Variants in CD63 observed in about 807,000 individuals in gnomAD.
The protein encoded by CD63 is CD63 antigen.
CD63 carries 16 observed loss-of-function variants against 29.2 expected under a neutral mutation model. The observed-to-expected ratio is 0.55, with a 90% CI of 0.37 to 0.83. CD63 has a LOEUF of 0.83. CD63 is among the 40% of genes least tolerant of loss of function. The pLI, the probability that CD63 is intolerant of heterozygous loss-of-function variation, is 0.00. For synonymous variants in CD63, 118 were observed against 111.7 expected (o/e 1.06, Z -0.36); for missense variants, 251 against 297.3 (o/e 0.84, Z 1.15).
chr12:55,724,333 C>A (rs903282271), downstream of CD63: 3 of 1,614,176 alleles, frequency 1.9e-6, no homozygotes, highest in Non-Finnish European at 2.5e-6. Flanking sequence ...CCTGAAAATG[C>A]AACAGCGCAT....
chr12:55,724,341 C>T (rs141783438), downstream of CD63: 174 of 1,614,200 alleles, frequency 1.1e-4, no homozygotes, highest in African/African-American at 1.9e-3. Flanking sequence ...TGCAACAGCG[C>T]ATCATGAACC....
chr12:55,728,277 C>CA lies in CD63; in HGVS notation c.64dup (p.Cys22LeufsTer87), dbSNP rs1182083293. 6.2e-7 allele frequency: 1 copy of CA among 1,609,618 alleles called. No individual in the cohort carries two copies. Among genetic ancestry groups the CA allele is most frequent in the South Asian group, 1.1e-5 (1 of 90,012 alleles). On this transcript the variant is annotated frameshift_variant and splice_region_variant, in exon 2 of 8. Coordinates refer to ENST00000257857, the MANE Select transcript of CD63 (RefSeq NM_001780.6). LOFTEE classifies it high-confidence loss of function. The surrounding 1 kb of genome is among the most constrained non-coding windows in gnomAD (Gnocchi z 4.8). ...CCCCCAGGACCCCTCGCCACTCACG[C>CA]AAAAGGCCAGCAGGAGGACGTAGAG...
chr12:55,723,771 G>A (rs953193251), downstream of CD63: 308 of 1,247,492 alleles, frequency 2.5e-4, 6 homozygotes, highest in South Asian at 1.8e-3. Context: ...AGGCATCTCC[G>A]TCAAAACTCT....
At chr12:55,723,589 T>C (rs538490008), downstream of CD63, 16 of 399,620 alleles carry the variant, frequency 4.0e-5, no homozygotes, top group East Asian at 6.9e-4. Context: ...TAAACTGTTA[T>C]ATAAGTACCT....
Position 55,728,165 on chromosome 12 carries a change from C to G in CD63, c.66+111G>C, listed in dbSNP as rs1877621295. ...GCGCTGTCTTTCCCTGGCTTTCTTT[C>G]CACATCTGGTCTCCAGCTGCCTTAA... On this transcript the variant is annotated intron_variant, in intron 2 of 7. Coordinates refer to ENST00000257857, the MANE Select transcript of CD63 (RefSeq NM_001780.6). The surrounding 1 kb of genome is among the most constrained non-coding windows in gnomAD (Gnocchi z 4.8). The G allele has an allele frequency of 2.9e-6, 3 of 1,027,860 alleles. No homozygotes were observed. Among genetic ancestry groups the G allele is most frequent in the Non-Finnish European group, 3.0e-6 (2 of 677,460 alleles). The allele number at this position is 1,027,860 out of a possible 1,614,324, so 63.7% of individuals were successfully genotyped here. A position where few individuals can be genotyped will look rare whatever the true frequency, so the allele number is the denominator to read the frequency against.
At chr12:55,725,065 T>G (rs1053402294), downstream of CD63, among the ~76,000 whole-genome samples, 1 of 152,110 alleles carries the variant, frequency 6.6e-6, no homozygotes, top group African/African-American at 2.4e-5. Flanking sequence ...AGGCAACTTA[T>G]CATACTTCGA....
rs1592533525 is a variant in CD63, at chr12:55,728,237, A to C, written c.66+39T>G. The C allele has an allele frequency of 6.4e-7, 1 of 1,559,876 alleles. No homozygotes were observed. Among genetic ancestry groups the C allele is most frequent in the African/African-American group, 1.4e-5 (1 of 73,826 alleles). ...CCACTGTGGAGCCAGGTCTCCCCGC[A>C]CCCTGCCGGCGCGCCCCCCAGGACC... is the stretch of plus-strand genomic sequence containing the variant. On this transcript the variant is annotated intron_variant, in intron 2 of 7. Coordinates refer to ENST00000257857, the MANE Select transcript of CD63 (RefSeq NM_001780.6). This position sits in a 1 kb window ranked among gnomAD's most constrained non-coding sequence, Gnocchi z 4.8.
At chr12:55,726,043 T>C in intron 6 of CD63, 78 bp downstream of exon 6, 1 of 1,549,824 alleles carries the variant, frequency 6.5e-7, no homozygotes, top group Non-Finnish European at 8.9e-7. Flanking sequence ...CCTGACCCTG[T>C]CCACCTCCAT....
downstream of CD63, chr12:55,724,495 G>T (rs1302759306): frequency 2.5e-6 from 4 of 1,613,402 alleles, no homozygotes; most frequent in Non-Finnish European, 3.4e-6. Context: ...CAGCCTGGTG[G>T]ATGCTGTGCT....
chr12:55,724,073 G>A (rs1290741073), downstream of CD63: 1 of 1,601,704 alleles, frequency 6.2e-7, no homozygotes, highest in Non-Finnish European at 8.5e-7. Flanking sequence ...CCCACACAGG[G>A]GCACATGAAG....
upstream of CD63, chr12:55,729,128 G>C: frequency 1.0e-6 from 1 of 985,246 alleles, no homozygotes; most frequent in Non-Finnish European, 1.2e-6. Flanking sequence ...TAACAGCTGC[G>C]GCCTGAGTCA....
At chr12:55,724,035 C>T, downstream of CD63, 3 of 1,610,676 alleles carry the variant, frequency 1.9e-6, no homozygotes, top group Non-Finnish European at 2.5e-6. Flanking sequence ...TATGGGGGGG[C>T]CTTCCTCACC....
At chr12:55,723,674 G>C (rs1055859968), downstream of CD63, 2 of 581,226 alleles carry the variant, frequency 3.4e-6, no homozygotes, top group South Asian at 4.0e-5. Context: ...AGAAAAAAAC[G>C]TGCTGACCCC....
At chr12:55,725,252 C>G, downstream of CD63, 1 of 430,910 alleles carries the variant, frequency 2.3e-6, no homozygotes, top group Non-Finnish European at 4.3e-6. Context: ...CATAGTGAGC[C>G]TGGCAGCATA....
chr12:55,726,497 A>C (rs1877380958), intron 5 of CD63: 1 of 623,902 alleles, frequency 1.6e-6, no homozygotes, highest in Non-Finnish European at 2.8e-6. Flanking sequence ...GGCACTCACC[A>C]CCACACCTGG....
At chr12:55,724,609 C>G, downstream of CD63, 1 of 1,428,730 alleles carries the variant, frequency 7.0e-7, no homozygotes, top group Non-Finnish European at 9.7e-7. Flanking sequence ...TCTGCCCCCA[C>G]CCTGGTACTG....
Position 55,726,235 on chromosome 12 carries a change from GTAGT to G in CD63, c.449_452del (p.Asn150ThrfsTer49), listed in dbSNP as rs760039356. Reference sequence around the variant, plus strand: ...TGGAAGGGATTTTCTCCCAATCTGTGTAGTTAGCAGCCCCACAGCACTTAAACTG... The same window carrying G: ...TGGAAGGGATTTTCTCCCAATCTGTGTAGCAGCCCCACAGCACTTAAACTG... On this transcript the variant is annotated frameshift_variant, in exon 6 of 8. Transcript: ENST00000257857. LOFTEE classifies it high-confidence loss of function. The G allele has an allele frequency of 6.2e-7, 1 of 1,609,946 alleles. No individual in the cohort carries two copies. The highest frequency in any genetic ancestry group is 8.5e-7 in the Non-Finnish European group (1 of 1,177,698).
downstream of CD63, chr12:55,723,947 C>T (rs527371486): frequency 1.5e-5 from 25 of 1,614,150 alleles, no homozygotes; most frequent in South Asian, 2.5e-4. Flanking sequence ...CTTCCGAACC[C>T]CTGTGACCAA....
At chr12:55,723,863 A>G (rs1384610357), downstream of CD63, 3 of 1,611,948 alleles carry the variant, frequency 1.9e-6, no homozygotes, top group Non-Finnish European at 2.5e-6. Flanking sequence ...GAACCCAGCA[A>G]CTTCGCTCTG....
Sources: allele counts gnomAD v4.1 joint callset (sites outside exome capture counted in the v4.1 genomes callset), GRCh38; gene constraint gnomAD v4.1.1; non-coding constraint Gnocchi (gnomAD v3.1); transcripts MANE v1.5; gene names NCBI Gene and HGNC (gene_info 2026-07-23, HGNC 2026-07-21).